PPIL3: variants seen among roughly 807,000 people sequenced by gnomAD.
The protein encoded by PPIL3 is peptidyl-prolyl cis-trans isomerase-like 3.
In PPIL3, 13 loss-of-function variants were observed where a neutral mutation model predicts 20.9. The ratio of observed to expected loss-of-function variants is 0.62; its 90% CI spans 0.40 to 0.99. The LOEUF (loss-of-function observed/expected upper bound fraction) is 0.99. Among genes scored for constraint, PPIL3 ranks in the 50% least tolerant of loss-of-function variants. The pLI is 0.00. For synonymous variants in PPIL3, 71 were observed against 64.4 expected, an observed-to-expected ratio of 1.10 and a Z score of -0.49; for missense variants, 170 against 195.2, an observed-to-expected ratio of 0.87 and a Z score of 0.77.
rs146925305 is a variant in PPIL3, at chr2:200,874,809, G to T, written c.359+2110C>A. Among the ~76,000 whole-genome samples the T allele has an allele frequency of 7.4e-3, 1,128 of 152,212 alleles. 18 individuals are homozygous for T. The highest frequency in any genetic ancestry group is 0.026 in the African/African-American group (1,090 of 41,508). ...AAAGATCTGTCTAGATCTCACTGCA[G>T]CCTTGACACCCTGAGCCCAGCAATC... On this transcript the variant is annotated intron_variant, in intron 6 of 6. Transcript: ENST00000392283.
intron 5 of PPIL3, among the ~76,000 whole-genome samples, chr2:200,880,609 C>T (rs918730533): frequency 6.6e-6 from 1 of 151,942 alleles, no homozygotes; most frequent in African/African-American, 2.4e-5. Flanking sequence ...TGGTTTCAAA[C>T]TCTTGGCCTC....
intron 5 of PPIL3, among the ~76,000 whole-genome samples, chr2:200,880,822 T>C (rs1299052420): frequency 2.6e-5 from 4 of 151,896 alleles, no homozygotes; most frequent in Admixed American, 2.6e-4. Flanking sequence ...GCACTAATTT[T>C]TAATTTTAGA....
intron 6 of PPIL3, among the ~76,000 whole-genome samples, chr2:200,875,740 T>A (rs1340454513): frequency 6.6e-6 from 1 of 151,928 alleles, no homozygotes; most frequent in Non-Finnish European, 1.5e-5. Flanking sequence ...ACTTGGCTAA[T>A]TTTTAAATTT....
intron 6 of PPIL3, among the ~76,000 whole-genome samples, chr2:200,873,339 G>A (rs1464218273): frequency 6.6e-6 from 1 of 151,708 alleles, no homozygotes; most frequent in African/African-American, 2.4e-5. Context: ...ACAGGCACAT[G>A]CCCCCATGCC....
At chr2:200,886,913 C>T (rs1207352113) in intron 2 of PPIL3, 1 of 152,260 alleles carries the variant, frequency 6.6e-6, no homozygotes, top group Non-Finnish European at 1.5e-5. Flanking sequence ...AGTCCTCTCA[C>T]CTCCGCCTCC....
intron 3 of PPIL3, among the ~76,000 whole-genome samples, chr2:200,883,776 G>A (rs576483599): frequency 5.3e-5 from 8 of 152,212 alleles, no homozygotes; most frequent in Non-Finnish European, 1.2e-4. Context: ...TTCTTGTTTC[G>A]TTTTGAGACA....
intron 2 of PPIL3, 53 bp from the exon 3 acceptor site, chr2:200,885,825 T>A: frequency 9.0e-7 from 1 of 1,114,194 alleles, no homozygotes; most frequent in Non-Finnish European, 1.3e-6. Flanking sequence ...GGTGACTTTA[T>A]GCATTGTTTA....
intron 3 of PPIL3, among the ~76,000 whole-genome samples, chr2:200,884,437 C>T (rs28378133): frequency 6.6e-6 from 1 of 151,876 alleles, no homozygotes; most frequent in African/African-American, 2.4e-5. Flanking sequence ...AATAAACAGG[C>T]GAAATAATGT....
chr2:200,888,235 G>C (rs2040040883), intron 1 of PPIL3: 1 of 151,958 alleles, frequency 6.6e-6, no homozygotes, highest in Admixed American at 6.6e-5. Context: ...TCCAGGCATT[G>C]GGTGTCCCTT....
At chr2:200,887,534 GA>G in intron 2 of PPIL3, 78 bp downstream of exon 2, 2 of 1,099,732 alleles carry the variant, frequency 1.8e-6, no homozygotes, top group Non-Finnish European at 2.7e-6. Context: ...CAATTTCCAT[GA>G]ACTTTTATTG....
At chr2:200,876,883 G>A in intron 6 of PPIL3, 36 bp downstream of exon 6, 2 of 1,455,586 alleles carry the variant, frequency 1.4e-6, no homozygotes, top group Non-Finnish European at 1.9e-6. Context: ...CACTTGCATT[G>A]AAATGCTAAA....
intron 6 of PPIL3, among the ~76,000 whole-genome samples, chr2:200,872,991 C>T (rs1322858802): frequency 6.6e-6 from 1 of 151,846 alleles, no homozygotes; most frequent in Non-Finnish European, 1.5e-5. Context: ...CCTGCCTCAG[C>T]CTCCCAAGTA....
intron 6 of PPIL3, among the ~76,000 whole-genome samples, chr2:200,876,299 G>A (rs1559336810): frequency 6.6e-6 from 1 of 151,576 alleles, no homozygotes; most frequent in African/African-American, 2.4e-5. Flanking sequence ...TGGCGACAGA[G>A]CCTTTCGTCT....
At chr2:200,888,046 G>GTA (rs1268155301) in intron 1 of PPIL3, among the ~76,000 whole-genome samples, 32 of 119,496 alleles carry the variant, frequency 2.7e-4, no homozygotes, top group Admixed American at 2.6e-4. Flanking sequence ...GACAGCGCGA[G>GTA]ACTCCGTCAA....
At chr2:200,879,940 T>C (rs2039660636) in intron 5 of PPIL3, among the ~76,000 whole-genome samples, 1 of 152,214 alleles carries the variant, frequency 6.6e-6, no homozygotes, top group African/African-American at 2.4e-5. Context: ...AAAAATTGTT[T>C]AGTTATTCAT....
intron 4 of PPIL3, chr2:200,881,773 C>T (rs1306442920): frequency 7.3e-6 from 3 of 410,238 alleles, no homozygotes; most frequent in Non-Finnish European, 8.7e-6. Context: ...CCACACTAAT[C>T]TTCTCTGTAT....
chr2:200,876,065 AAATGCTATCATT>A (rs2039498831), intron 6 of PPIL3, among the ~76,000 whole-genome samples: 1 of 152,106 alleles, frequency 6.6e-6, no homozygotes, highest in Non-Finnish European at 1.5e-5. Context: ...AGTTGCTGTG[AAATGCTATCATT>A]AATGAAAATG....
intron 5 of PPIL3, chr2:200,877,577 T>C (rs2039568691): frequency 6.6e-6 from 1 of 152,306 alleles, no homozygotes; most frequent in Non-Finnish European, 1.5e-5. Flanking sequence ...TCTTCTCACA[T>C]ACAATGGACT....
chr2:200,880,435 C>T (rs2039683775), intron 5 of PPIL3, among the ~76,000 whole-genome samples: 3 of 113,938 alleles, frequency 2.6e-5, no homozygotes, highest in Non-Finnish European at 3.4e-5. Context: ...AGTGGGGTCT[C>T]GTTCTGTGCA....
Sources: allele counts gnomAD v4.1 joint callset (sites outside exome capture counted in the v4.1 genomes callset), GRCh38; gene constraint gnomAD v4.1.1; transcripts MANE v1.5; gene names NCBI Gene and HGNC (gene_info 2026-07-23, HGNC 2026-07-21).